RSPH14: variants seen among roughly 807,000 people sequenced by gnomAD.
The protein encoded by RSPH14 is rhabdoid tumor deletion region gene 1.
In RSPH14, 20 loss-of-function variants were observed where a neutral mutation model predicts 26.7. The observed-to-expected ratio is 0.75, with a 90% CI of 0.53 to 1.09. The LOEUF is 1.09. Ranked by LOEUF, RSPH14 falls within the 50% of genes least tolerant of loss-of-function variation. The pLI is 0.00. For missense variants in RSPH14, 449 were observed against 457.2 expected (o/e 0.98, Z 0.16); for synonymous variants, 177 against 189.3 (o/e 0.93, Z 0.53).
intron 4 of RSPH14, chr22:23,123,817 G>T (rs751854855): frequency 2.1e-5 from 5 of 241,566 alleles, no homozygotes; most frequent in Non-Finnish European, 3.2e-5. Context: ...CAGGGCTGAG[G>T]CAAGGTAGGC....
chr22:23,077,421 A>G (rs2068536030), intron 4 of RSPH14, among the ~76,000 whole-genome samples: 1 of 152,166 alleles, frequency 6.6e-6, no homozygotes, highest in African/African-American at 2.4e-5. Flanking sequence ...TAAGTGAATG[A>G]GTGGTAGAGA....
intron 6 of RSPH14, 52 bp downstream of exon 6, chr22:23,061,757 G>C (rs543235904): frequency 5.6e-6 from 9 of 1,605,404 alleles, no homozygotes; most frequent in Non-Finnish European, 6.8e-6. Context: ...AGCTCATCAC[G>C]GCTGCTAGCC....
rs1450296277 is a variant in RSPH14, at chr22:23,071,509, G to C, written c.422-7376C>G. 1.3e-5 allele frequency among the ~76,000 whole-genome samples: 2 copies of C among 152,216 alleles called. No homozygotes were observed. The highest frequency in any genetic ancestry group is 2.9e-5 in the Non-Finnish European group (2 of 68,038). On this transcript the variant is annotated intron_variant, in intron 4 of 6. Transcript: ENST00000216036. The surrounding 1 kb of genome is among the most constrained non-coding windows in gnomAD (Gnocchi z 4.1). ...TCCTTTCTGCCCAAGTGATTTCCCT[G>C]CCCTGGGGATTGAGCTCTCTGGAGA...
chr22:23,107,059 T>C (rs1357817990), intron 4 of RSPH14, among the ~76,000 whole-genome samples: 1 of 152,274 alleles, frequency 6.6e-6, no homozygotes, highest in African/African-American at 2.4e-5. Context: ...CAAGGGCTTT[T>C]CAGGCCATTA....
chr22:23,164,308 C>T, the RSPH14 span: 1 of 152,274 alleles, frequency 6.6e-6, no homozygotes, highest in Non-Finnish European at 1.5e-5. Context: ...ACACCCCCAC[C>T]TCTGTAAATG....
chr22:23,062,065 CAG>C, intron 5 of RSPH14, 120 bp from the exon 6 acceptor site: 1 of 1,208,650 alleles, frequency 8.3e-7, no homozygotes, highest in Non-Finnish European at 1.2e-6. Context: ...CAGGTAGTCC[CAG>C]GACTGGTCCC....
the RSPH14 span, among the ~76,000 whole-genome samples, chr22:23,173,761 C>T: frequency 6.6e-6 from 1 of 151,854 alleles, no homozygotes; most frequent in Admixed American, 6.6e-5. Context: ...GGCTGGAGTG[C>T]AGCAGCACGA....
chr22:23,068,378 C>T (rs930054546), intron 4 of RSPH14, among the ~76,000 whole-genome samples: 1 of 152,276 alleles, frequency 6.6e-6, no homozygotes, highest in African/African-American at 2.4e-5. Flanking sequence ...TCGTTGTTTG[C>T]TTTCTGCCCC....
upstream of RSPH14, among the ~76,000 whole-genome samples, chr22:23,147,933 A>G (rs960717339): frequency 1.3e-5 from 2 of 152,154 alleles, no homozygotes; most frequent in Non-Finnish European, 2.9e-5. Flanking sequence ...GAAAACAAGG[A>G]GAGGGAGAAA....
At chr22:23,130,196 C>T (rs1293363954) in intron 4 of RSPH14, among the ~76,000 whole-genome samples, 1 of 150,406 alleles carries the variant, frequency 6.6e-6, no homozygotes, top group East Asian at 2.0e-4. Flanking sequence ...TGGCTCACGC[C>T]TGTAATCCCA....
rs142048561 is a variant in RSPH14, at chr22:23,100,565, C to T, written c.421+33461G>A. ...TCTATGCCTGGCCCTGGATAGTGGT[C>T]CCTTGTCCTGGGGCCATTGGCTTCC... On this transcript the variant is annotated intron_variant, in intron 4 of 6. Transcript: ENST00000216036. Among the ~76,000 whole-genome samples, 918 of 152,308 alleles carry T rather than the reference C, an allele frequency of 6.0e-3. 3 individuals are homozygous for T. Among genetic ancestry groups the T allele is most frequent in the Non-Finnish European group, 9.0e-3 (609 of 68,026 alleles).
the RSPH14 span, among the ~76,000 whole-genome samples, chr22:23,175,661 T>G: frequency 6.6e-6 from 1 of 152,174 alleles, no homozygotes; most frequent in Non-Finnish European, 1.5e-5. Context: ...ATTTAGAAAA[T>G]AAATGTCACC....
chr22:23,163,141 T>A, the RSPH14 span: 3 of 176,088 alleles, frequency 1.7e-5, no homozygotes, highest in African/African-American at 7.2e-5. Flanking sequence ...GGACTCCTGA[T>A]CTCAGGTGAC....
chr22:23,080,563 G>A (rs1159448489), intron 4 of RSPH14, among the ~76,000 whole-genome samples: 3 of 152,222 alleles, frequency 2.0e-5, no homozygotes, highest in Non-Finnish European at 4.4e-5. Context: ...CTGTTTCTAA[G>A]GTGAGACCCG....
the RSPH14 span, chr22:23,180,486 C>T: frequency 6.0e-6 from 1 of 167,306 alleles, no homozygotes. Context: ...GCCACCTCCC[C>T]CCGGCCCTCC....
chr22:23,093,985 G>A (rs903395665), intron 4 of RSPH14, among the ~76,000 whole-genome samples: 2 of 152,212 alleles, frequency 1.3e-5, no homozygotes, highest in African/African-American at 4.8e-5. Context: ...GGGCACGGAT[G>A]GCTGCTGGGA....
chr22:23,095,390 C>A (rs576041326), intron 4 of RSPH14: 1 of 359,290 alleles, frequency 2.8e-6, no homozygotes, highest in East Asian at 5.5e-5. Flanking sequence ...CAAACACAAG[C>A]GGACGGCTTC....
At chr22:23,130,093 A>G (rs1357281958) in intron 4 of RSPH14, among the ~76,000 whole-genome samples, 6 of 35,654 alleles carry the variant, frequency 1.7e-4, no homozygotes, top group African/African-American at 4.1e-4. Context: ...GGAAGAAAGA[A>G]AGAAAGAAAG....
chr22:23,108,944 G>T (rs867522246), intron 4 of RSPH14, among the ~76,000 whole-genome samples: 1 of 152,218 alleles, frequency 6.6e-6, no homozygotes, highest in African/African-American at 2.4e-5. Context: ...CTTAGGAATT[G>T]TCTGAGGGTG....
Sources: gnomAD v4.1 joint callset for allele counts (sites outside exome capture counted in the v4.1 genomes callset) on GRCh38, gnomAD v4.1.1 for gene constraint, Gnocchi (gnomAD v3.1) non-coding constraint, MANE v1.5 for transcripts, NCBI Gene and HGNC (gene_info 2026-07-23, HGNC 2026-07-21) for gene names.